PARD3B: variants seen among roughly 807,000 people sequenced by gnomAD.
PARD3B encodes the protein par-3 family cell polarity regulator beta.
A neutral mutation model predicts 130.2 loss-of-function variants in PARD3B; 103 were observed. The observed-to-expected ratio is 0.79, with a 90% confidence interval of 0.67 to 0.93. The LOEUF is 0.93. Among genes scored for constraint, PARD3B ranks in the 40% least tolerant of loss-of-function variants. The pLI is 0.00. For synonymous variants in PARD3B, 583 were observed against 553.2 expected (o/e 1.05, Z -0.76); for missense variants, 1,609 against 1,499.2 (o/e 1.07, Z -1.21).
intron 18 of PARD3B, chr2:205,302,025 C>A: frequency 1.8e-6 from 1 of 547,340 alleles, no homozygotes. Context: ...CCAGCCTGGG[C>A]AAGGTAGGGA....
intron 20 of PARD3B, among the ~76,000 whole-genome samples, chr2:205,486,137 A>G (rs916694574): frequency 8.5e-5 from 13 of 152,212 alleles, no homozygotes; most frequent in African/African-American, 3.1e-4. Flanking sequence ...TTTTGAAAGC[A>G]CTTGAGGATT....
chr2:204,736,107 T>C (rs1392489724), intron 2 of PARD3B, among the ~76,000 whole-genome samples: 1 of 151,952 alleles, frequency 6.6e-6, no homozygotes, highest in Non-Finnish European at 1.5e-5. Flanking sequence ...TTCTATCAAG[T>C]CCTCAGTTCT....
chr2:205,387,748 T>G (rs1243285942), intron 18 of PARD3B, among the ~76,000 whole-genome samples: 3 of 152,156 alleles, frequency 2.0e-5, no homozygotes, highest in Non-Finnish European at 2.9e-5. Context: ...TTAGAAATAC[T>G]AAAAATGGGG....
chr2:205,287,480 C>T lies in PARD3B; in HGVS notation c.2186-13050C>T, dbSNP rs1424977419. Among the ~76,000 whole-genome samples the T allele has an allele frequency of 3.3e-5, 5 of 152,142 alleles. No individual in the cohort carries two copies. Among genetic ancestry groups the T allele is most frequent in the South Asian group, 4.2e-4 (2 of 4,812 alleles). ...TCCAGGCTTAGATTCTCCCAGTAAC[C>T]CCAGTAACAAAGACTGCTCACTCTA... On this transcript the variant is annotated intron_variant, in intron 16 of 22. Coordinates refer to ENST00000406610, the MANE Select transcript of PARD3B (RefSeq NM_001302769.2). This position sits in a 1 kb window ranked among gnomAD's most constrained non-coding sequence, Gnocchi z 4.8.
intron 1 of PARD3B, among the ~76,000 whole-genome samples, chr2:204,634,294 C>T (rs1184856249): frequency 6.6e-6 from 1 of 152,142 alleles, no homozygotes; most frequent in Non-Finnish European, 1.5e-5. Context: ...ATCTCCAGTT[C>T]CATTCATGTT....
intron 2 of PARD3B, among the ~76,000 whole-genome samples, chr2:204,947,549 TCC>T (rs1689428435): frequency 3.0e-4 from 2 of 6,672 alleles, no homozygotes; most frequent in South Asian, 8.3e-3. Context: ...TTCCCTCCCC[TCC>T]CCTCCCTCCC....
intron 16 of PARD3B, among the ~76,000 whole-genome samples, chr2:205,248,016 C>T (rs1324903549): frequency 6.6e-6 from 1 of 152,198 alleles, no homozygotes; most frequent in Non-Finnish European, 1.5e-5. Context: ...GCAGCCTCAA[C>T]TTCCCTGGCT....
chr2:205,308,522 G>A (rs1046433439), intron 18 of PARD3B, among the ~76,000 whole-genome samples: 1 of 150,636 alleles, frequency 6.6e-6, no homozygotes, highest in South Asian at 2.1e-4. Context: ...CAGGAGAATG[G>A]CGTGAACCTG....
intron 2 of PARD3B, among the ~76,000 whole-genome samples, chr2:204,747,627 C>G (rs1268022960): frequency 6.6e-6 from 1 of 152,128 alleles, no homozygotes; most frequent in Admixed American, 6.6e-5. Flanking sequence ...GAAGGTGATC[C>G]TATGCCAAAA....
At chr2:205,057,743 A>G (rs769262395) in intron 4 of PARD3B, among the ~76,000 whole-genome samples, 10 of 150,266 alleles carry the variant, frequency 6.7e-5, no homozygotes, top group Non-Finnish European at 1.0e-4. Flanking sequence ...GTGTATGTGT[A>G]TATATGTATG....
intron 16 of PARD3B, among the ~76,000 whole-genome samples, chr2:205,273,617 A>G (rs887850251): frequency 4.6e-5 from 7 of 152,220 alleles, no homozygotes; most frequent in Admixed American, 2.0e-4. Flanking sequence ...TTTGCGTAAG[A>G]GTTCACTAAC....
chr2:204,610,347 A>T lies in PARD3B; in HGVS notation c.120+64228A>T, dbSNP rs529398326. ...ATTTGTTAAGTAGTCTATCGGCATT[A>T]TTCTGACTTATTGTTCCCTTGTCCT... On this transcript the variant is annotated intron_variant, in intron 1 of 22. Transcript: ENST00000406610. This position sits in a 1 kb window ranked among gnomAD's most constrained non-coding sequence, Gnocchi z 4.1. Among the ~76,000 whole-genome samples the T allele has an allele frequency of 6.6e-6, 1 of 152,296 alleles. No individual in the cohort carries two copies. Among genetic ancestry groups the T allele is most frequent in the Non-Finnish European group, 1.5e-5 (1 of 68,026 alleles).
Position 204,785,127 on chromosome 2 carries a change from G to A in PARD3B, c.222+98845G>A, listed in dbSNP as rs562953982. Among the ~76,000 whole-genome samples the A allele has an allele frequency of 4.8e-4, 73 of 152,296 alleles. 1 individual carries two copies. The highest frequency in any genetic ancestry group is 1.7e-3 in the African/African-American group (69 of 41,568). On this transcript the variant is annotated intron_variant, in intron 2 of 22. Transcript: ENST00000406610. ...GAATATATACCCAAACTCTAAAAGT[G>A]TGATTGTTTTACTCACTGAACATAT...
At position 205,057,447 on chromosome 2, in the gene PARD3B, T is replaced by A. The variant is rs61677754; in HGVS notation, c.504+9757T>A. On this transcript the variant is annotated intron_variant, in intron 4 of 22. Transcript: ENST00000406610. Reference sequence around the variant, plus strand: ...TACATGTATATGTGTTATATACATATACATATATACATGTATATGTGTTAT... The same window carrying A: ...TACATGTATATGTGTTATATACATAAACATATATACATGTATATGTGTTAT... 3.2e-3 allele frequency among the ~76,000 whole-genome samples: 449 copies of A among 138,324 alleles called. 20 individuals carry two copies. Among genetic ancestry groups the A allele is most frequent in the African/African-American group, 0.012 (427 of 37,060 alleles). 90.7% of individuals were successfully genotyped at this position (138,324 alleles called of 152,430 possible). A position where few individuals can be genotyped will look rare whatever the true frequency, so the allele number is the denominator to read the frequency against.
chr2:204,718,578 TGA>T (rs1210241970), intron 2 of PARD3B, among the ~76,000 whole-genome samples: 1 of 152,142 alleles, frequency 6.6e-6, no homozygotes, highest in East Asian at 1.9e-4. Context: ...GATTACAATT[TGA>T]GATGAGGTTT....
Position 204,830,049 on chromosome 2 carries a change from G to A in PARD3B, c.223-135103G>A, listed in dbSNP as rs998127925. Reference sequence around the variant, plus strand: ...ATGTGTAGCACTTCTCCCTTAGTGTGCTCTCTCTCCTGCCACCATGTGAAG... The same window carrying A: ...ATGTGTAGCACTTCTCCCTTAGTGTACTCTCTCTCCTGCCACCATGTGAAG... On this transcript the variant is annotated intron_variant, in intron 2 of 22. Transcript: ENST00000406610. 7.3e-5 allele frequency among the ~76,000 whole-genome samples: 11 copies of A among 150,010 alleles called. No individual in the cohort carries two copies. The East Asian group carries it at 2.0e-3, about 27-fold the overall frequency.
At chr2:205,358,782 A>G (rs952256661) in intron 18 of PARD3B, among the ~76,000 whole-genome samples, 1 of 151,974 alleles carries the variant, frequency 6.6e-6, no homozygotes, top group Non-Finnish European at 1.5e-5. Context: ...TTACATTCCT[A>G]CCACCTCGGT....
At chr2:204,897,059 T>C (rs142255853) in intron 2 of PARD3B, among the ~76,000 whole-genome samples, 1 of 152,354 alleles carries the variant, frequency 6.6e-6, no homozygotes, top group East Asian at 1.9e-4. Flanking sequence ...ATACCATAGA[T>C]ATTCTTATTT....
chr2:204,931,749 C>G (rs1688050021), intron 2 of PARD3B, among the ~76,000 whole-genome samples: 1 of 152,004 alleles, frequency 6.6e-6, no homozygotes, highest in Admixed American at 6.6e-5. Flanking sequence ...CATAAATCCT[C>G]TTTGGGCTAC....
Sources: allele counts gnomAD v4.1 joint callset (sites outside exome capture counted in the v4.1 genomes callset), GRCh38; gene constraint gnomAD v4.1.1; non-coding constraint Gnocchi (gnomAD v3.1); transcripts MANE v1.5; gene names NCBI Gene and HGNC (gene_info 2026-07-23, HGNC 2026-07-21).